The following IQUB variants were observed in gnomAD, a reference collection of about 807,000 sequenced individuals.
IQUB encodes IQ motif and ubiquitin domain containing.
In IQUB, 86 loss-of-function variants were observed where a neutral mutation model predicts 86.4. The ratio of observed to expected loss-of-function variants is 1.00; its 90% CI spans 0.84 to 1.19. The LOEUF (loss-of-function observed/expected upper bound fraction) is 1.19, where lower values mean the gene tolerates loss of function less well. IQUB is among the 50% of genes most tolerant of loss of function. IQUB has a pLI of 0.00. For missense variants in IQUB, 946 were observed against 916.9 expected (o/e 1.03, Z -0.41); for synonymous variants, 289 against 304.5 (o/e 0.95, Z 0.53).
chr7:123,482,998 G>A (rs1387210233), intron 7 of IQUB, among the ~76,000 whole-genome samples: 2 of 152,088 alleles, frequency 1.3e-5, no homozygotes, highest in Non-Finnish European at 2.9e-5. Context: ...TCATCAGCAT[G>A]TATCATAAGT....
At chr7:123,487,562 C>T (rs1262875514) in intron 7 of IQUB, among the ~76,000 whole-genome samples, 3 of 152,186 alleles carry the variant, frequency 2.0e-5, no homozygotes, top group African/African-American at 7.2e-5. Context: ...AGTTCCTGTT[C>T]TTAATAGAGG....
chr7:123,457,538 T>A lies in IQUB; in HGVS notation c.2036A>T (p.Asn679Ile). Residue 679 changes from asparagine (N) to isoleucine (I), a missense_variant, in exon 12 of 13, where the codon AAC becomes ATC. Asn to Ile is a moderately radical substitution (Grantham distance 149, BLOSUM62 -3). Transcript: ENST00000324698. ...QLQDIQYLTE[N>I]IWASQSVLSA... is the part of the protein sequence containing the mutation. ...GAGGACTGACTGGGACGCCCAGATG[T>A]TCTCTGTCAGGTACTGAATGTCTTG... 1 of 1,607,626 alleles carries A rather than the reference T, an allele frequency of 6.2e-7. No homozygotes were observed. The highest frequency in any genetic ancestry group is 1.1e-5 in the South Asian group (1 of 89,730).
At chr7:123,457,970 A>C (rs1313415172) in intron 11 of IQUB, 2 of 165,548 alleles carry the variant, frequency 1.2e-5, no homozygotes, top group African/African-American at 4.8e-5. Flanking sequence ...ACAAATGAGG[A>C]AGCTGAGATT....
chr7:123,478,934 T>C (rs1438285520), intron 8 of IQUB, among the ~76,000 whole-genome samples: 1 of 152,004 alleles, frequency 6.6e-6, no homozygotes, highest in African/African-American at 2.4e-5. Context: ...AGAAGCTCCT[T>C]AAAGGGATCT....
Position 123,495,315 on chromosome 7 carries a change from TTATTAA to T in IQUB, c.1234+1375_1234+1380del, listed in dbSNP as rs535915265. ...TTTTTACGTTACCAGGAAAATGAAT[TTATTAA>T]TATTGTTTATTAGCCCTAATGTTTA... On this transcript the variant is annotated intron_variant, in intron 7 of 12. Transcript: ENST00000324698. 2.6e-5 allele frequency among the ~76,000 whole-genome samples: 4 copies of T among 152,142 alleles called. No homozygotes were observed. In the South Asian group the frequency reaches 8.3e-4, roughly 32 times the overall value.
chr7:123,484,014 T>A (rs533651733), intron 7 of IQUB, among the ~76,000 whole-genome samples: 1 of 152,198 alleles, frequency 6.6e-6, no homozygotes, highest in Non-Finnish European at 1.5e-5. Flanking sequence ...CTGCCTTTCA[T>A]AATATCTAGT....
In IQUB at chr7:123,461,607, T is replaced by C. The variant is rs781616141; in HGVS notation, c.1759-2A>G. 16 of 1,569,378 alleles carry C rather than the reference T, an allele frequency of 1.0e-5. No homozygotes were observed. Among genetic ancestry groups the C allele is most frequent in the Non-Finnish European group, 1.4e-5 (16 of 1,160,674 alleles). On this transcript the variant is annotated splice_acceptor_variant, in intron 10 of 12. Coordinates refer to ENST00000324698, the MANE Select transcript of IQUB (RefSeq NM_178827.5). LOFTEE classifies it high-confidence loss of function. ...AAATTTCAATGGGTCTTGAGGGACC[T>C]AAATAAATAGTAAAAAAAGAAAAAA...
At chr7:123,492,485 C>T (rs1049837366) in intron 7 of IQUB, among the ~76,000 whole-genome samples, 12 of 152,002 alleles carry the variant, frequency 7.9e-5, no homozygotes, top group African/African-American at 2.9e-4. Context: ...AGGTATAACA[C>T]CAAAAGCATG....
At chr7:123,513,221 C>T (rs1796506944) in intron 1 of IQUB, among the ~76,000 whole-genome samples, 1 of 151,932 alleles carries the variant, frequency 6.6e-6, no homozygotes, top group Admixed American at 6.6e-5. Context: ...TCTCTGGCTA[C>T]TAAGTTATAA....
At chr7:123,504,505 G>A (rs1256742084) in intron 3 of IQUB, among the ~76,000 whole-genome samples, 5 of 152,126 alleles carry the variant, frequency 3.3e-5, no homozygotes, top group Non-Finnish European at 7.3e-5. Flanking sequence ...CTGTATGGGA[G>A]CATGGCTGGG....
intron 6 of IQUB, among the ~76,000 whole-genome samples, chr7:123,498,326 T>C (rs1334914342): frequency 6.6e-6 from 1 of 152,062 alleles, no homozygotes; most frequent in African/African-American, 2.4e-5. Flanking sequence ...CTCCAGATGA[T>C]GCTTATAGTA....
At chr7:123,528,231 G>A (rs1797357070) in intron 1 of IQUB, among the ~76,000 whole-genome samples, 1 of 152,336 alleles carries the variant, frequency 6.6e-6, no homozygotes, top group Non-Finnish European at 1.5e-5. Context: ...TCCCTAGTGA[G>A]ATGAACCCTG....
chr7:123,479,233 T>C (rs754831475), intron 8 of IQUB, among the ~76,000 whole-genome samples: 1 of 152,154 alleles, frequency 6.6e-6, no homozygotes, highest in Non-Finnish European at 1.5e-5. Flanking sequence ...GACTATTCAA[T>C]ATCAAACAGG....
intron 4 of IQUB, 24 bp downstream of exon 4, chr7:123,503,178 T>A (rs776703581): frequency 5.0e-6 from 8 of 1,608,690 alleles, no homozygotes; most frequent in South Asian, 2.2e-5. Flanking sequence ...AAATACTTTA[T>A]CTAAAAGACA....
intron 1 of IQUB, among the ~76,000 whole-genome samples, chr7:123,527,264 C>A (rs1300686586): frequency 6.6e-6 from 1 of 152,184 alleles, no homozygotes; most frequent in East Asian, 1.9e-4. Flanking sequence ...GTTTGAATTT[C>A]CTCCTGTAGC....
chr7:123,530,350 C>T (rs1289030676), intron 1 of IQUB, among the ~76,000 whole-genome samples: 1 of 150,356 alleles, frequency 6.7e-6, no homozygotes. Flanking sequence ...GCAGGAGAAT[C>T]GCTTCAACCT....
At chr7:123,509,793 A>T in intron 3 of IQUB, 108 bp downstream of exon 3, 2 of 923,308 alleles carry the variant, frequency 2.2e-6, no homozygotes, top group Non-Finnish European at 3.4e-6. Flanking sequence ...ACCACAATAT[A>T]ATGTTCAATT....
chr7:123,482,517 T>C (rs555377948), intron 7 of IQUB, among the ~76,000 whole-genome samples: 134 of 152,102 alleles, frequency 8.8e-4, no homozygotes, highest in African/African-American at 3.2e-3. Flanking sequence ...AATATTCCAA[T>C]TGCTTGTTAA....
In IQUB at chr7:123,503,267, T is replaced by G. The variant is rs1247249864; in HGVS notation, c.629A>C (p.Tyr210Ser). ...TAATCCATCTATTCTTCTGACTGGA[T>G]ACAGATCTGGATTTGTAGAAAAGAT... ...VEIFSTNPDL[Y>S]PVRRIDGLTD... Residue 210 changes from tyrosine (Y) to serine (S), a missense_variant, in exon 4 of 13, where the codon TAT becomes TCT. By Grantham distance (144) the Tyr-to-Ser change is moderately radical. Coordinates refer to ENST00000324698, the MANE Select transcript of IQUB (RefSeq NM_178827.5). 5 of 1,610,704 alleles carry G rather than the reference T, an allele frequency of 3.1e-6. No homozygotes were observed. The highest frequency in any genetic ancestry group is 3.4e-6 in the Non-Finnish European group (4 of 1,177,076).
Sources: allele counts gnomAD v4.1 joint callset (sites outside exome capture counted in the v4.1 genomes callset), GRCh38; gene constraint gnomAD v4.1.1; transcripts MANE v1.5; gene names NCBI Gene and HGNC (gene_info 2026-07-23, HGNC 2026-07-21).